The following ADD2 variants were observed in gnomAD, a reference collection of about 807,000 sequenced individuals.
ADD2 encodes beta-adducin.
Under a neutral mutation model 83.0 loss-of-function variants are expected in ADD2, and 23 were observed. That is an observed-to-expected ratio of 0.28 (90% CI 0.20 to 0.39). The LOEUF is 0.39. Among genes scored for constraint, ADD2 ranks in the 10% least tolerant of loss-of-function variants. The pLI is 1.00. For missense variants in ADD2, 758 were observed against 944.9 expected, an observed-to-expected ratio of 0.80 and a Z score of 2.59; for synonymous variants, 375 against 375.4, an observed-to-expected ratio of 1.00 and a Z score of 0.01.
chr2:70,739,024 G>C (rs933490956), intron 1 of ADD2, among the ~76,000 whole-genome samples: 1 of 152,158 alleles, frequency 6.6e-6, no homozygotes, highest in African/African-American at 2.4e-5. Context: ...TGCAACAAAA[G>C]CAAAAATTGA....
At chr2:70,711,962 G>T (rs1672200389) in intron 2 of ADD2, among the ~76,000 whole-genome samples, 1 of 152,150 alleles carries the variant, frequency 6.6e-6, no homozygotes, top group Non-Finnish European at 1.5e-5. Context: ...CCTTTATCTT[G>T]TAGTAGTTAG....
At chr2:70,703,436 G>T (rs1428010053) in intron 4 of ADD2, among the ~76,000 whole-genome samples, 1 of 152,200 alleles carries the variant, frequency 6.6e-6, no homozygotes, top group Non-Finnish European at 1.5e-5. Flanking sequence ...CCGCATTACT[G>T]TTGGGAACGT....
rs578128808 is a variant in ADD2 at position 70,690,849 on chromosome 2, A to G, written c.786T>C (p.Asn262=). Residue 262 remains asparagine, a synonymous_variant, in exon 8 of 16, where the codon AAT becomes AAC. Coordinates refer to ENST00000264436, the MANE Select transcript of ADD2 (RefSeq NM_001617.4). ...GATCGGCTTCCTGCTCCATTTCCCC[A>G]TTGAAGTCATAATAGGCCATGTCCC... ...LVGDMAYYDF[N]GEMEQEADRI... 8.1e-6 allele frequency: 13 copies of G among 1,614,032 alleles called. No homozygotes were observed. Among genetic ancestry groups the G allele is most frequent in the Admixed American group, 1.7e-5 (1 of 60,000 alleles).
intron 14 of ADD2, chr2:70,673,281 TC>T: frequency 6.2e-7 from 1 of 1,614,094 alleles, no homozygotes; most frequent in South Asian, 1.1e-5. Context: ...GCTGAAGAAC[TC>T]GCACACGGCC....
intron 14 of ADD2, among the ~76,000 whole-genome samples, chr2:70,674,046 C>T (rs1670019467): frequency 6.6e-6 from 1 of 152,120 alleles, no homozygotes; most frequent in South Asian, 2.1e-4. Flanking sequence ...CCCAAGTGGT[C>T]AGGAAGCAAA....
At position 70,687,999 on chromosome 2, in the gene ADD2, C is replaced by T. The variant is rs782386384; in HGVS notation, c.948+25G>A. 6 of 1,593,672 alleles carry T rather than the reference C, an allele frequency of 3.8e-6. No individual in the cohort carries two copies. In the South Asian group the frequency reaches 6.6e-5, roughly 18 times the overall value. ...CCCCTGTCAGAGCCCACTCCTGGGC[C>T]CACTTTCCAGGAGAATTTGCTCACC... On this transcript the variant is annotated intron_variant, in intron 9 of 15. Transcript: ENST00000264436.
At chr2:70,703,337 T>A (rs1478076303) in intron 4 of ADD2, among the ~76,000 whole-genome samples, 1 of 151,978 alleles carries the variant, frequency 6.6e-6, no homozygotes, top group African/African-American at 2.4e-5. Context: ...AAAACACAAA[T>A]AAAGTATTAT....
chr2:70,692,364 T>C, intron 7 of ADD2, 39 bp downstream of exon 7: 1 of 1,500,850 alleles, frequency 6.7e-7, no homozygotes, highest in South Asian at 1.4e-5. Flanking sequence ...TCGGCAGCCT[T>C]ACGTCTTTCC....
chr2:70,717,181 C>A (rs1016623688), intron 1 of ADD2, among the ~76,000 whole-genome samples: 3 of 151,854 alleles, frequency 2.0e-5, no homozygotes, highest in Non-Finnish European at 1.5e-5. Flanking sequence ...GCTTGGGATT[C>A]GCCCTGGTAG....
Position 70,676,545 on chromosome 2 carries a change from A to G in ADD2, c.1593+251T>C. On this transcript the variant is annotated intron_variant, in intron 13 of 15. Transcript: ENST00000264436. This position sits in a 1 kb window ranked among gnomAD's most constrained non-coding sequence, Gnocchi z 4.8. ...GGCAGGAGGTACGGAAGCCGGCCGC[A>G]TCACTCCTGCAGGCAGGCTGGGCTG... 1 of 1,395,650 alleles carries G rather than the reference A, an allele frequency of 7.2e-7. No individual in the cohort carries two copies. 86.5% of individuals were successfully genotyped at this position (1,395,650 alleles called of 1,614,324 possible).
intron 1 of ADD2, 61 bp downstream of exon 1, chr2:70,767,825 C>T: frequency 6.5e-7 from 1 of 1,530,362 alleles, no homozygotes; most frequent in African/African-American, 1.4e-5. Context: ...ATGCCAGGGT[C>T]TCCGCGCCAG....
intron 1 of ADD2, among the ~76,000 whole-genome samples, chr2:70,763,864 C>T (rs1675242573): frequency 1.3e-5 from 2 of 151,552 alleles, no homozygotes; most frequent in South Asian, 4.2e-4. Flanking sequence ...ACTTAACCAT[C>T]AGAACAAATT....
intron 1 of ADD2, among the ~76,000 whole-genome samples, chr2:70,737,336 C>T (rs1200414658): frequency 2.0e-5 from 3 of 152,066 alleles, no homozygotes; most frequent in Non-Finnish European, 4.4e-5. Flanking sequence ...AAATGTCCAT[C>T]AATGATAGAC....
In ADD2 at chr2:70,676,985, C is replaced by T; in HGVS notation, c.1504-100G>A. On this transcript the variant is annotated intron_variant, in intron 12 of 15. Coordinates refer to ENST00000264436, the MANE Select transcript of ADD2 (RefSeq NM_001617.4). The surrounding 1 kb of genome is among the most constrained non-coding windows in gnomAD (Gnocchi z 4.8). Reference sequence around the variant, plus strand: ...TGTGCCTGGGGTCTAGAAAGGTCCTCTAGCGGTGTGGGAGCCCGTCACCTA... The same window carrying T: ...TGTGCCTGGGGTCTAGAAAGGTCCTTTAGCGGTGTGGGAGCCCGTCACCTA... The T allele has an allele frequency of 6.6e-7, 1 of 1,508,122 alleles. No individual in the cohort carries two copies. Among genetic ancestry groups the T allele is most frequent in the Non-Finnish European group, 8.9e-7 (1 of 1,124,918 alleles). The allele number at this position is 1,508,122 out of a possible 1,614,324, so 93.4% of individuals were successfully genotyped here.
rs1311502466 is a variant in ADD2, at chr2:70,672,862, A to T, written c.1870+16T>A. The T allele has an allele frequency of 1.2e-6, 2 of 1,602,524 alleles. No homozygotes were observed. The highest frequency in any genetic ancestry group is 2.7e-5 in the African/African-American group (2 of 74,250). On this transcript the variant is annotated intron_variant, in intron 15 of 15. Coordinates refer to ENST00000264436, the MANE Select transcript of ADD2 (RefSeq NM_001617.4). ...CACCCCTCTCCCTCCCTCCCAGCCT[A>T]CTCAGCTGGACTCACCCTCTAAAGA...
chr2:70,745,303 A>T lies in ADD2; in HGVS notation c.-154+22583T>A, dbSNP rs542874299. On this transcript the variant is annotated intron_variant, in intron 1 of 15. Transcript: ENST00000264436. ...TCCGTCTCAAAATAAAAAAAAAAGA[A>T]GATTTCAAGGTGAACTATTAAAGTA... 3.3e-5 allele frequency among the ~76,000 whole-genome samples: 5 copies of T among 152,218 alleles called. No homozygotes were observed. The South Asian group carries it at 8.3e-4, about 25-fold the overall frequency.
At chr2:70,669,849 T>C (rs561790552) in intron 15 of ADD2, among the ~76,000 whole-genome samples, 3 of 152,050 alleles carry the variant, frequency 2.0e-5, no homozygotes, top group South Asian at 2.1e-4. Flanking sequence ...TGAGACCACA[T>C]AGAGGGAGAG....
chr2:70,719,793 G>A (rs1204410275), intron 1 of ADD2, among the ~76,000 whole-genome samples: 2 of 152,194 alleles, frequency 1.3e-5, no homozygotes, highest in African/African-American at 2.4e-5. Flanking sequence ...AGGCAAGTCA[G>A]TGGAGCTATA....
intron 15 of ADD2, among the ~76,000 whole-genome samples, chr2:70,669,452 A>C (rs939351027): frequency 3.3e-5 from 5 of 152,226 alleles, no homozygotes; most frequent in African/African-American, 1.2e-4. Context: ...ACTTACCCCC[A>C]AAAACTGAGA....
Sources: gnomAD v4.1 joint callset for allele counts (sites outside exome capture counted in the v4.1 genomes callset) on GRCh38, gnomAD v4.1.1 for gene constraint, Gnocchi (gnomAD v3.1) non-coding constraint, MANE v1.5 for transcripts, NCBI Gene and HGNC (gene_info 2026-07-23, HGNC 2026-07-21) for gene names.